Variants in RBFOX1 observed in about 807,000 individuals in gnomAD.
RBFOX1 encodes the protein RNA binding fox-1 homolog 1, also known as RNA binding protein fox-1 homolog 1.
RBFOX1 carries 8 observed loss-of-function variants against 57.7 expected under a neutral mutation model. The observed-to-expected ratio is 0.14, with a 90% CI of 0.08 to 0.25. The LOEUF is 0.25. RBFOX1 is among the 10% of genes least tolerant of loss of function. The pLI, the probability that RBFOX1 is intolerant of heterozygous loss-of-function variation, is 1.00. For synonymous variants in RBFOX1, 326 were observed against 222.4 expected, an observed-to-expected ratio of 1.47 and a Z score of -4.15; for missense variants, 611 against 548.5, an observed-to-expected ratio of 1.11 and a Z score of -1.14.
At chr16:7,103,952 A>C (rs1335838856) in intron 4 of RBFOX1, among the ~76,000 whole-genome samples, 1 of 152,192 alleles carries the variant, frequency 6.6e-6, no homozygotes, top group African/African-American at 2.4e-5. Flanking sequence ...GAAATCTTCC[A>C]AGTATCCGTT....
At chr16:7,401,078 A>G (rs934103763) in intron 4 of RBFOX1, among the ~76,000 whole-genome samples, 5 of 152,224 alleles carry the variant, frequency 3.3e-5, no homozygotes, top group African/African-American at 4.8e-5. Flanking sequence ...CAGTCCCAAG[A>G]CATCCAGGAG....
chr16:6,488,446 G>A (rs550070794), intron 2 of RBFOX1, among the ~76,000 whole-genome samples: 33 of 152,246 alleles, frequency 2.2e-4, no homozygotes, highest in African/African-American at 7.7e-4. Context: ...GACTCCCTCT[G>A]TGCATCAGAC....
intron 4 of RBFOX1, among the ~76,000 whole-genome samples, chr16:7,080,192 C>G (rs560291974): frequency 4.6e-5 from 7 of 151,434 alleles, no homozygotes; most frequent in South Asian, 2.1e-4. Context: ...TGTCCCATTC[C>G]CATTTGTTTT....
At chr16:5,314,699 T>C (rs1260550980) in intron 1 of RBFOX1, among the ~76,000 whole-genome samples, 2 of 151,984 alleles carry the variant, frequency 1.3e-5, no homozygotes, top group African/African-American at 2.4e-5. Flanking sequence ...CACGGTCTTG[T>C]TATGTTGCCT....
At chr16:7,395,380 T>A (rs959250087) in intron 4 of RBFOX1, among the ~76,000 whole-genome samples, 3 of 152,222 alleles carry the variant, frequency 2.0e-5, no homozygotes, top group Non-Finnish European at 4.4e-5. Flanking sequence ...CCCCTTTTAG[T>A]GGAGATAAGC....
At chr16:7,440,719 G>A (rs1285958388) in intron 4 of RBFOX1, among the ~76,000 whole-genome samples, 2 of 152,152 alleles carry the variant, frequency 1.3e-5, no homozygotes, top group Non-Finnish European at 1.5e-5. Context: ...GTTTAGGGCT[G>A]GGGAGGAGGG....
intron 3 of RBFOX1, among the ~76,000 whole-genome samples, chr16:5,866,188 C>T (rs1018551927): frequency 7.9e-5 from 12 of 152,238 alleles, no homozygotes; most frequent in African/African-American, 2.6e-4. Flanking sequence ...AAGCTGGTCT[C>T]GAACTCCTGA....
intron 4 of RBFOX1, among the ~76,000 whole-genome samples, chr16:7,177,311 C>T (rs1408842304): frequency 2.0e-5 from 3 of 152,218 alleles, no homozygotes; most frequent in Admixed American, 6.5e-5. Flanking sequence ...AAACAAAAAG[C>T]CCTGAAGGCC....
rs566330198 is a variant in RBFOX1, at chr16:7,653,268, A to AGACAGGAG, written c.758-543_758-536dup. 7.1e-4 allele frequency among the ~76,000 whole-genome samples: 108 copies of AGACAGGAG among 152,262 alleles called. 2 individuals are homozygous for AGACAGGAG. In the South Asian group the frequency reaches 0.021, roughly 30 times the overall value. On this transcript the variant is annotated intron_variant, in intron 11 of 15. Coordinates refer to ENST00000550418, the MANE Select transcript of RBFOX1 (RefSeq NM_018723.4). Reference sequence around the variant, plus strand: ...GTAATCTCAGCACTTTGGGAGGTGGAGACAGGAGGACTGCTTGAACCCAGG... The same window carrying AGACAGGAG: ...GTAATCTCAGCACTTTGGGAGGTGGAGACAGGAGGACAGGAGGACTGCTTGAACCCAGG...
intron 1 of RBFOX1, among the ~76,000 whole-genome samples, chr16:6,122,694 G>C (rs989007276): frequency 6.6e-6 from 1 of 152,040 alleles, no homozygotes; most frequent in Non-Finnish European, 1.5e-5. Flanking sequence ...TTATTGAAGG[G>C]GAAAGGAGTA....
At chr16:6,765,591 A>G (rs2154204529) in intron 3 of RBFOX1, among the ~76,000 whole-genome samples, 1 of 152,270 alleles carries the variant, frequency 6.6e-6, no homozygotes, top group East Asian at 1.9e-4. Context: ...CAGTACAGAG[A>G]TTTTTCAAAG....
intron 2 of RBFOX1, among the ~76,000 whole-genome samples, chr16:5,476,577 C>G (rs913055201): frequency 1.3e-5 from 2 of 152,242 alleles, no homozygotes; most frequent in African/African-American, 4.8e-5. Context: ...CAGTGTCCAT[C>G]TTACCGGGTC....
intron 2 of RBFOX1, among the ~76,000 whole-genome samples, chr16:6,446,251 G>C (rs903094038): frequency 6.6e-6 from 1 of 151,558 alleles, no homozygotes; most frequent in African/African-American, 2.4e-5. Flanking sequence ...CAGTCCTCCT[G>C]CTTAGCTTCC....
chr16:5,461,782 C>T (rs928283040), intron 1 of RBFOX1, among the ~76,000 whole-genome samples: 1 of 152,288 alleles, frequency 6.6e-6, no homozygotes, highest in Admixed American at 6.5e-5. Flanking sequence ...GTTAATCTCA[C>T]ATTTCATCTC....
chr16:6,137,418 C>T (rs1356749606), intron 1 of RBFOX1, among the ~76,000 whole-genome samples: 1 of 152,056 alleles, frequency 6.6e-6, no homozygotes, highest in African/African-American at 2.4e-5. Context: ...GATTCTCCTG[C>T]CTCAGTTTCC....
intron 1 of RBFOX1, among the ~76,000 whole-genome samples, chr16:6,022,258 T>C (rs2095096364): frequency 8.6e-6 from 1 of 115,792 alleles, no homozygotes; most frequent in Admixed American, 9.3e-5. Flanking sequence ...AAATCTGTTT[T>C]TTTTTTTTTA....
intron 3 of RBFOX1, among the ~76,000 whole-genome samples, chr16:5,623,398 C>T (rs758976890): frequency 6.6e-6 from 1 of 152,176 alleles, no homozygotes; most frequent in Non-Finnish European, 1.5e-5. Flanking sequence ...CAAAACAAAA[C>T]AGAGAAAGTC....
chr16:5,473,575 A>G (rs1459191778), intron 2 of RBFOX1, among the ~76,000 whole-genome samples: 4 of 150,128 alleles, frequency 2.7e-5, no homozygotes, highest in African/African-American at 4.9e-5. Flanking sequence ...GAGTGGGTAG[A>G]TGAATGGATG....
At chr16:5,840,614 A>T (rs1597451416) in intron 3 of RBFOX1, among the ~76,000 whole-genome samples, 4 of 152,170 alleles carry the variant, frequency 2.6e-5, no homozygotes, top group Admixed American at 2.6e-4. Flanking sequence ...GGATGAGAGT[A>T]TGGGCTTCAC....
Sources: allele counts gnomAD v4.1 joint callset (sites outside exome capture counted in the v4.1 genomes callset), GRCh38; gene constraint gnomAD v4.1.1; transcripts MANE v1.5; gene names NCBI Gene and HGNC (gene_info 2026-07-23, HGNC 2026-07-21).